Variants in UTRN observed in about 807,000 individuals in gnomAD.
UTRN encodes the protein dystrophin-related protein 1.
UTRN carries 283 observed loss-of-function variants against 463.9 expected under a neutral mutation model. The ratio of observed to expected loss-of-function variants is 0.61; its 90% confidence interval spans 0.55 to 0.67. The LOEUF is 0.67. UTRN is among the 30% of genes least tolerant of loss of function. The pLI is 0.00. For missense variants in UTRN, 3,922 were observed against 4,084.3 expected, an observed-to-expected ratio of 0.96 and a Z score of 1.08; for synonymous variants, 1,442 against 1,431.5, an observed-to-expected ratio of 1.01 and a Z score of -0.17.
At chr6:144,679,418 C>A (rs1049578719) in intron 52 of UTRN, among the ~76,000 whole-genome samples, 7 of 152,102 alleles carry the variant, frequency 4.6e-5, no homozygotes, top group African/African-American at 1.7e-4. Flanking sequence ...AGTCCTGGAT[C>A]AGCTTTTGTT....
At chr6:144,735,119 T>C (rs1789228449) in intron 54 of UTRN, among the ~76,000 whole-genome samples, 1 of 152,126 alleles carries the variant, frequency 6.6e-6, no homozygotes. Context: ...TTCAATTTAG[T>C]GGGAGATCAA....
rs1175572559 is a variant in UTRN at position 144,748,255 on chromosome 6, C to A, written c.7949C>A (p.Pro2650His). 3 of 1,610,362 alleles carry A rather than the reference C, an allele frequency of 1.9e-6. No individual in the cohort carries two copies. In the Admixed American group the frequency reaches 5.0e-5, roughly 27 times the overall value. The change falls in exon 55 of 75, where the codon CCT becomes CAT. Residue 2650 changes from proline (P) to histidine (H), a missense_variant. Coordinates refer to ENST00000367545, the MANE Select transcript of UTRN (RefSeq NM_007124.3). ...RNLQSKTELTPEERAQKIAKA... is the reference protein window; with the variant it reads ...RNLQSKTELTHEERAQKIAKA... ...TTTTTTTTAATCACAGAATTAACTC[C>A]TGAGGAGAGAGCCCAAAAGATTGCC...
At chr6:144,827,243 G>A (rs1015150431) in intron 66 of UTRN, 105 bp from the exon 67 acceptor site, 6 of 1,348,710 alleles carry the variant, frequency 4.4e-6, no homozygotes, top group Non-Finnish European at 6.3e-6. Flanking sequence ...CCACATATAT[G>A]AGCGGAAGAT....
At chr6:144,733,395 C>A (rs1788984793) in intron 54 of UTRN, among the ~76,000 whole-genome samples, 1 of 151,606 alleles carries the variant, frequency 6.6e-6, no homozygotes, top group South Asian at 2.1e-4. Context: ...TGCATGCCTG[C>A]AGTCCCAGCT....
At chr6:144,444,469 T>G (rs992705854) in intron 14 of UTRN, 87 bp downstream of exon 14, 58 of 925,914 alleles carry the variant, frequency 6.3e-5, no homozygotes, top group Non-Finnish European at 7.8e-5. Flanking sequence ...GTTGCCTTGT[T>G]TACTTTTCTT....
At chr6:144,798,680 G>T (rs1362274722) in intron 64 of UTRN, among the ~76,000 whole-genome samples, 1 of 152,102 alleles carries the variant, frequency 6.6e-6, no homozygotes, top group African/African-American at 2.4e-5. Flanking sequence ...GTTTAATTTG[G>T]AAATCTATTA....
At chr6:144,394,538 C>T (rs1474047720) in intron 2 of UTRN, among the ~76,000 whole-genome samples, 1 of 152,136 alleles carries the variant, frequency 6.6e-6, no homozygotes, top group East Asian at 1.9e-4. Flanking sequence ...CAAACCATAT[C>T]AATATGTATT....
At chr6:144,596,990 G>A (rs1263761521) in intron 51 of UTRN, among the ~76,000 whole-genome samples, 2 of 152,140 alleles carry the variant, frequency 1.3e-5, no homozygotes, top group African/African-American at 4.8e-5. Context: ...TGTAATCCCA[G>A]CACTTTGGGA....
At chr6:144,658,051 C>A (rs1779508623) in intron 51 of UTRN, among the ~76,000 whole-genome samples, 1 of 152,148 alleles carries the variant, frequency 6.6e-6, no homozygotes, top group Admixed American at 6.6e-5. Context: ...TTCTTCACCA[C>A]AGTTCTGATG....
chr6:144,402,834 C>T (rs922551283), intron 2 of UTRN, among the ~76,000 whole-genome samples: 5 of 152,086 alleles, frequency 3.3e-5, no homozygotes, highest in African/African-American at 1.2e-4. Flanking sequence ...CTGATTTGAT[C>T]CGATAAACCT....
At chr6:144,771,868 T>A in intron 58 of UTRN, 39 bp from the exon 59 acceptor site, 1 of 1,541,086 alleles carries the variant, frequency 6.5e-7, no homozygotes, top group Non-Finnish European at 8.8e-7. Flanking sequence ...AGTTTTTTGA[T>A]TTTTTGTTTA....
In UTRN at chr6:144,310,363, C is replaced by G. The variant is rs574015341; in HGVS notation, c.79+18456C>G. ...ACCAGCCTGGCCAACATGGAGCAAC[C>G]CTGTCTCTACTTAACATACAAAATT... On this transcript the variant is annotated intron_variant, in intron 2 of 74. Transcript: ENST00000367545. Among the ~76,000 whole-genome samples, 9 of 152,090 alleles carry G rather than the reference C, an allele frequency of 5.9e-5. No homozygotes were observed. The East Asian group carries it at 1.2e-3, about 20-fold the overall frequency.
chr6:144,762,411 C>T (rs189836149), intron 58 of UTRN, among the ~76,000 whole-genome samples: 218 of 152,256 alleles, frequency 1.4e-3, no homozygotes, highest in African/African-American at 5.1e-3. Flanking sequence ...TCTTTCATAC[C>T]ATAGACGGTT....
intron 23 of UTRN, among the ~76,000 whole-genome samples, chr6:144,471,367 T>G (rs1190079101): frequency 1.3e-5 from 2 of 152,192 alleles, no homozygotes; most frequent in Non-Finnish European, 2.9e-5. Flanking sequence ...TTTGAAAATT[T>G]TGGCTGAGGA....
At chr6:144,597,720 T>C (rs1334789217) in intron 51 of UTRN, among the ~76,000 whole-genome samples, 1 of 152,226 alleles carries the variant, frequency 6.6e-6, no homozygotes, top group Non-Finnish European at 1.5e-5. Flanking sequence ...GCATAAACTT[T>C]GTCAAAGGAA....
rs73588931 is a variant in UTRN at position 144,320,447 on chromosome 6, C to T, written c.79+28540C>T. Among the ~76,000 whole-genome samples, 367 of 152,202 alleles carry T rather than the reference C, an allele frequency of 2.4e-3. 4 individuals are homozygous for T. The highest frequency in any genetic ancestry group is 8.6e-3 in the African/African-American group (359 of 41,522). On this transcript the variant is annotated intron_variant, in intron 2 of 74. Transcript: ENST00000367545. Reference sequence around the variant, plus strand: ...CAGGTCTGGATGAATGGACTCTGACCCACTTTTCTGGCCACTGGAATTTTG... The same window carrying T: ...CAGGTCTGGATGAATGGACTCTGACTCACTTTTCTGGCCACTGGAATTTTG...
intron 50 of UTRN, among the ~76,000 whole-genome samples, chr6:144,561,870 C>G (rs1799958445): frequency 2.0e-5 from 3 of 152,270 alleles, no homozygotes; most frequent in African/African-American, 7.2e-5. Flanking sequence ...GATAAGTCCA[C>G]TTCCTTTAGT....
chr6:144,852,306 C>T lies in UTRN; in HGVS notation c.*1309C>T, dbSNP rs1402861284. The T allele has an allele frequency of 6.6e-6, 1 of 152,074 alleles. No homozygotes were observed. Among genetic ancestry groups the T allele is most frequent in the Non-Finnish European group, 1.5e-5 (1 of 67,994 alleles). 9.4% of individuals were successfully genotyped at this position (152,074 alleles called of 1,614,324 possible). A position where few individuals can be genotyped will look rare whatever the true frequency, so the allele number is the denominator to read the frequency against. On this transcript the variant is annotated 3_prime_UTR_variant, in exon 75 of 75. Coordinates refer to ENST00000367545, the MANE Select transcript of UTRN (RefSeq NM_007124.3). ...TATTTTGGTTTAGCTTCTGATTTAA[C>T]ATTTAATTGATTCAGTTTAAACATG...
chr6:144,725,114 G>T (rs929032094), intron 53 of UTRN, among the ~76,000 whole-genome samples: 2 of 152,222 alleles, frequency 1.3e-5, no homozygotes, highest in African/African-American at 4.8e-5. Context: ...GACCCAGTGG[G>T]AGGTAATTAA....
Sources: gnomAD v4.1 joint callset for allele counts (sites outside exome capture counted in the v4.1 genomes callset) on GRCh38, gnomAD v4.1.1 for gene constraint, MANE v1.5 for transcripts, NCBI Gene and HGNC (gene_info 2026-07-23, HGNC 2026-07-21) for gene names.